Variants in NTM observed in about 807,000 individuals in gnomAD.
The protein encoded by NTM is IgLON family member 2.
NTM carries 13 observed loss-of-function variants against 42.1 expected under a neutral mutation model. That is an observed-to-expected ratio of 0.31 (90% CI 0.20 to 0.49). The LOEUF is 0.49. NTM is among the 20% of genes least tolerant of loss of function. The pLI is 0.99. For missense variants in NTM, 373 were observed against 452.8 expected, an observed-to-expected ratio of 0.82 and a Z score of 1.60; for synonymous variants, 187 against 179.2, an observed-to-expected ratio of 1.04 and a Z score of -0.35.
At chr11:132,049,748 T>C (rs2078581194) in intron 2 of NTM, among the ~76,000 whole-genome samples, 1 of 152,062 alleles carries the variant, frequency 6.6e-6, no homozygotes. Context: ...TGGGAAAACC[T>C]GATGGGGGAA....
intron 4 of NTM, among the ~76,000 whole-genome samples, chr11:132,291,311 A>C (rs929891462): frequency 6.6e-6 from 1 of 152,202 alleles, no homozygotes; most frequent in African/African-American, 2.4e-5. Flanking sequence ...TATTGGATTC[A>C]GGAAGCGTTA....
intron 1 of NTM, among the ~76,000 whole-genome samples, chr11:131,499,574 T>C (rs73572344): frequency 0.025 from 3,829 of 152,302 alleles, 171 homozygotes; most frequent in African/African-American, 0.088. Flanking sequence ...CATATCATTT[T>C]TTCCTGCTTT....
chr11:131,586,872 A>G lies in NTM; in HGVS notation c.82+215984A>G, dbSNP rs190836224. The stretch of plus-strand genomic sequence containing the variant: ...CTCTTTGGAAAGAACAATCTATATC[A>G]CTTATCTCACACTAACCGTTTCTGA... On this transcript the variant is annotated intron_variant, in intron 1 of 8. Transcript: ENST00000683400. Among the ~76,000 whole-genome samples the G allele has an allele frequency of 4.6e-5, 7 of 152,296 alleles. 1 individual carries two copies. In the South Asian group the frequency reaches 1.2e-3, roughly 27 times the overall value.
chr11:131,406,808 C>G (rs1366071567), intron 1 of NTM, among the ~76,000 whole-genome samples: 1 of 152,068 alleles, frequency 6.6e-6, no homozygotes, highest in East Asian at 1.9e-4. Context: ...GTATATCACT[C>G]TGAGAAGTGG....
intron 7 of NTM, among the ~76,000 whole-genome samples, chr11:132,321,277 G>GA (rs997523265): frequency 2.6e-5 from 4 of 152,030 alleles, no homozygotes; most frequent in South Asian, 4.1e-4. Flanking sequence ...TGAAAACTTT[G>GA]AAAAAAATTT....
At position 131,526,230 on chromosome 11, in the gene NTM, C is replaced by T. The variant is rs562355345; in HGVS notation, c.82+155342C>T. ...ATGTCTTTGGACTCCCAGTCTGACC[C>T]CCACTTTACTGCAGCGCAGTAGAAA... On this transcript the variant is annotated intron_variant, in intron 1 of 8. Transcript: ENST00000683400. 3.9e-5 allele frequency among the ~76,000 whole-genome samples: 6 copies of T among 152,280 alleles called. No individual in the cohort carries two copies. In the East Asian group the frequency reaches 1.2e-3, roughly 29 times the overall value.
chr11:131,730,505 G>A (rs115236248), intron 1 of NTM, among the ~76,000 whole-genome samples: 6 of 152,126 alleles, frequency 3.9e-5, no homozygotes, highest in East Asian at 1.9e-4. Context: ...GGTTGAACCC[G>A]GGAGTTTGGG....
intron 1 of NTM, chr11:131,910,925 A>C: frequency 1.0e-6 from 1 of 986,236 alleles, no homozygotes; most frequent in Non-Finnish European, 1.2e-6. Context: ...TCCGCGCGCC[A>C]CCCCTGCGCC....
At chr11:131,890,147 T>C (rs1011814384) in intron 1 of NTM, among the ~76,000 whole-genome samples, 4 of 66,560 alleles carry the variant, frequency 6.0e-5, no homozygotes, top group South Asian at 3.6e-4. Flanking sequence ...CCTCTCTCTC[T>C]CTCTCTCTGT....
At chr11:132,192,746 G>T (rs540455548) in intron 3 of NTM, among the ~76,000 whole-genome samples, 2 of 152,046 alleles carry the variant, frequency 1.3e-5, no homozygotes, top group Admixed American at 1.3e-4. Flanking sequence ...GTCTGCTGCC[G>T]TTGAGAGATA....
At chr11:132,176,577 G>A (rs1053314010) in intron 3 of NTM, among the ~76,000 whole-genome samples, 1 of 151,956 alleles carries the variant, frequency 6.6e-6, no homozygotes, top group Non-Finnish European at 1.5e-5. Flanking sequence ...ACTATTTTCT[G>A]TACATTTCTC....
chr11:131,480,131 C>CTTTTTTTTTTTTTTTTTTTTTT, intron 1 of NTM, among the ~76,000 whole-genome samples: 1 of 134,478 alleles, frequency 7.4e-6, no homozygotes, highest in Non-Finnish European at 1.6e-5. Context: ...ATCTTGATTA[C>CTTTTTTTTTTTTTTTTTTTTTT]TTTTTTTTTT....
intron 1 of NTM, among the ~76,000 whole-genome samples, chr11:131,735,987 C>A (rs991726231): frequency 9.2e-5 from 14 of 152,196 alleles, no homozygotes; most frequent in Admixed American, 8.5e-4. Flanking sequence ...TGCACACCAA[C>A]ACACCTGGCT....
At chr11:131,605,410 C>A (rs564571640) in intron 1 of NTM, among the ~76,000 whole-genome samples, 1 of 152,146 alleles carries the variant, frequency 6.6e-6, no homozygotes, top group South Asian at 2.1e-4. Context: ...TTGTGTACCC[C>A]GCACATTTAC....
At chr11:132,263,186 G>A (rs1189954800) in intron 4 of NTM, among the ~76,000 whole-genome samples, 1 of 152,184 alleles carries the variant, frequency 6.6e-6, no homozygotes, top group Non-Finnish European at 1.5e-5. Context: ...CAGCTCCATG[G>A]CCTTGGGCAG....
intron 1 of NTM, among the ~76,000 whole-genome samples, chr11:131,803,008 C>T (rs949062733): frequency 3.3e-5 from 5 of 152,170 alleles, no homozygotes; most frequent in Admixed American, 6.5e-5. Flanking sequence ...GGACTATAGG[C>T]ATCAGCCAAT....
At chr11:131,498,337 GGAA>G (rs1336429854) in intron 1 of NTM, among the ~76,000 whole-genome samples, 1 of 152,134 alleles carries the variant, frequency 6.6e-6, no homozygotes, top group Admixed American at 6.5e-5. Context: ...AGAGTGGCTG[GGAA>G]GAAGAATACA....
chr11:131,390,780 A>G (rs1943903866), intron 1 of NTM, among the ~76,000 whole-genome samples: 1 of 152,094 alleles, frequency 6.6e-6, no homozygotes. Context: ...TGAATTCTCA[A>G]GCCCCACCCC....
chr11:132,265,749 G>A (rs2093143582), intron 4 of NTM, among the ~76,000 whole-genome samples: 1 of 152,196 alleles, frequency 6.6e-6, no homozygotes, highest in African/African-American at 2.4e-5. Flanking sequence ...ACTATTTCAA[G>A]CATTTTTTTT....
Sources: gnomAD v4.1 joint callset for allele counts (sites outside exome capture counted in the v4.1 genomes callset) on GRCh38, gnomAD v4.1.1 for gene constraint, MANE v1.5 for transcripts, NCBI Gene and HGNC (gene_info 2026-07-23, HGNC 2026-07-21) for gene names.